Variants in SPAG16 observed in about 807,000 individuals in gnomAD.
SPAG16 encodes sperm associated antigen 16.
SPAG16 carries 86 observed loss-of-function variants against 80.4 expected under a neutral mutation model. The observed-to-expected ratio is 1.07, with a 90% confidence interval of 0.90 to 1.28. The LOEUF is 1.28. SPAG16 is among the 50% of genes most tolerant of loss of function. The pLI, the probability that SPAG16 is intolerant of heterozygous loss-of-function variation, is 0.00. For synonymous variants in SPAG16, 294 were observed against 265.9 expected (o/e 1.11, Z -1.03); for missense variants, 870 against 765.3 (o/e 1.14, Z -1.61).
intron 9 of SPAG16, among the ~76,000 whole-genome samples, chr2:213,391,167 C>A (rs1301745001): frequency 2.0e-5 from 3 of 152,046 alleles, no homozygotes; most frequent in African/African-American, 7.2e-5. Flanking sequence ...ACTTGGGAGG[C>A]TGAGGCAGGA....
At chr2:213,836,621 T>A (rs1469296540) in intron 10 of SPAG16, among the ~76,000 whole-genome samples, 1 of 152,146 alleles carries the variant, frequency 6.6e-6, no homozygotes. Context: ...TTTTTTATTT[T>A]TTTATTTTTT....
intron 7 of SPAG16, among the ~76,000 whole-genome samples, chr2:213,357,897 G>C (rs1485584565): frequency 6.6e-6 from 1 of 152,206 alleles, no homozygotes; most frequent in African/African-American, 2.4e-5. Flanking sequence ...GCTGGTACTG[G>C]TTGTTCCTTT....
intron 11 of SPAG16, among the ~76,000 whole-genome samples, chr2:213,911,951 C>A (rs1310565857): frequency 6.6e-6 from 1 of 151,672 alleles, no homozygotes; most frequent in East Asian, 1.9e-4. Flanking sequence ...GCACTTAGCA[C>A]ATAAGGATGT....
chr2:213,764,964 C>T (rs905902853), intron 10 of SPAG16, among the ~76,000 whole-genome samples: 4 of 152,152 alleles, frequency 2.6e-5, no homozygotes, highest in African/African-American at 7.2e-5. Context: ...AGAGTCAGTG[C>T]TCTTCTGTCA....
chr2:214,269,070 A>G (rs114119107), intron 15 of SPAG16, among the ~76,000 whole-genome samples: 2,784 of 152,112 alleles, frequency 0.018, 78 homozygotes, highest in African/African-American at 0.062. Flanking sequence ...AAATTTGCAG[A>G]GTTTTAAAAA....
intron 10 of SPAG16, among the ~76,000 whole-genome samples, chr2:213,552,377 A>G (rs2076804457): frequency 2.0e-5 from 3 of 152,146 alleles, no homozygotes; most frequent in Non-Finnish European, 2.9e-5. Context: ...TGCTATGGAC[A>G]TTTCTGCAGA....
At chr2:214,256,456 C>T (rs1690691046) in intron 15 of SPAG16, among the ~76,000 whole-genome samples, 1 of 151,928 alleles carries the variant, frequency 6.6e-6, no homozygotes, top group African/African-American at 2.4e-5. Context: ...CTAGAAACCT[C>T]TGTCTACTTC....
chr2:213,561,843 G>A (rs990236206), intron 10 of SPAG16, among the ~76,000 whole-genome samples: 2 of 152,026 alleles, frequency 1.3e-5, no homozygotes, highest in South Asian at 2.1e-4. Flanking sequence ...TGAATGTTCC[G>A]GTATGTAATG....
At chr2:213,687,045 T>C (rs2064714912) in intron 10 of SPAG16, among the ~76,000 whole-genome samples, 2 of 152,272 alleles carry the variant, frequency 1.3e-5, no homozygotes, top group South Asian at 4.1e-4. Flanking sequence ...TTTCCCTTTT[T>C]TCCTGCTTTC....
rs186921022 is a variant in SPAG16, at chr2:214,383,474, G to A, written c.1721-26666G>A. On this transcript the variant is annotated intron_variant, in intron 15 of 15. Transcript: ENST00000331683. ...TAGTCCCAGCTGCTTGGGAGGCTGAGGCATGCCAATCGCTGGAGCTGGGGA... is the reference window on the plus strand; with the variant it reads ...TAGTCCCAGCTGCTTGGGAGGCTGAAGCATGCCAATCGCTGGAGCTGGGGA... Among the ~76,000 whole-genome samples the A allele has an allele frequency of 1.6e-4, 25 of 151,968 alleles. No homozygotes were observed. The East Asian group carries it at 4.5e-3, about 27-fold the overall frequency.
chr2:213,775,660 C>A (rs2069530229), intron 10 of SPAG16, among the ~76,000 whole-genome samples: 2 of 152,204 alleles, frequency 1.3e-5, no homozygotes, highest in South Asian at 4.1e-4. Context: ...TGCTACTTAC[C>A]ATTCTACTCT....
intron 10 of SPAG16, among the ~76,000 whole-genome samples, chr2:213,763,094 A>C (rs1179911251): frequency 6.6e-6 from 1 of 152,158 alleles, no homozygotes; most frequent in Non-Finnish European, 1.5e-5. Context: ...ATCACCTCAC[A>C]CATGTTAGGA....
rs936982241 is a variant in SPAG16 at position 213,783,092 on chromosome 2, C to T, written c.1071-79393C>T. On this transcript the variant is annotated intron_variant, in intron 10 of 15. Transcript: ENST00000331683. ...TCCCCAGAGTGTGATATTCCCCTTC[C>T]TGTGTCCAAGTGATCTCATTGTTCA... 2.4e-3 allele frequency among the ~76,000 whole-genome samples: 339 copies of T among 144,082 alleles called. 1 individual carries two copies. The highest frequency in any genetic ancestry group is 4.2e-3 in the Non-Finnish European group (275 of 66,262). 94.5% of individuals were successfully genotyped at this position (144,082 alleles called of 152,430 possible).
chr2:213,745,243 T>C (rs1403864989), intron 10 of SPAG16, among the ~76,000 whole-genome samples: 1 of 152,202 alleles, frequency 6.6e-6, no homozygotes, highest in Non-Finnish European at 1.5e-5. Context: ...TATGTAGCTA[T>C]TTATTTTTTT....
chr2:214,025,529 C>T (rs2048084413), intron 13 of SPAG16, among the ~76,000 whole-genome samples: 1 of 151,576 alleles, frequency 6.6e-6, no homozygotes, highest in African/African-American at 2.4e-5. Flanking sequence ...CACTGTAGTA[C>T]CACATGTTAA....
chr2:213,772,068 C>G (rs2069282465), intron 10 of SPAG16, among the ~76,000 whole-genome samples: 1 of 152,078 alleles, frequency 6.6e-6, no homozygotes, highest in African/African-American at 2.4e-5. Flanking sequence ...AACATTGATT[C>G]TTCCTGTCTG....
chr2:213,907,231 C>T (rs2077467798), intron 11 of SPAG16, among the ~76,000 whole-genome samples: 1 of 151,950 alleles, frequency 6.6e-6, no homozygotes, highest in Non-Finnish European at 1.5e-5. Context: ...TATAAATAGA[C>T]ATATTTTAAA....
At chr2:213,455,564 G>C (rs565883079) in intron 9 of SPAG16, among the ~76,000 whole-genome samples, 29 of 152,276 alleles carry the variant, frequency 1.9e-4, no homozygotes, top group Admixed American at 1.7e-3. Context: ...CCAGGGACTG[G>C]TTTCATGGAA....
chr2:213,481,510 A>C (rs1036330171), intron 9 of SPAG16, among the ~76,000 whole-genome samples: 6 of 152,178 alleles, frequency 3.9e-5, no homozygotes, highest in African/African-American at 1.4e-4. Flanking sequence ...CAAAATAAAC[A>C]CCTGTATTTT....
Sources: gnomAD v4.1 joint callset for allele counts (sites outside exome capture counted in the v4.1 genomes callset) on GRCh38, gnomAD v4.1.1 for gene constraint, MANE v1.5 for transcripts, NCBI Gene and HGNC (gene_info 2026-07-23, HGNC 2026-07-21) for gene names.